NMNAT2: variants seen among roughly 807,000 people sequenced by gnomAD.
NMNAT2 encodes the protein nicotinamide nucleotide adenylyltransferase 2.
NMNAT2 carries 11 observed loss-of-function variants against 41.6 expected under a neutral mutation model. That is an observed-to-expected ratio of 0.26 (90% CI 0.17 to 0.44). The LOEUF (loss-of-function observed/expected upper bound fraction) is 0.44. Among genes scored for constraint, NMNAT2 ranks in the 20% least tolerant of loss-of-function variants. NMNAT2 has a pLI of 1.00. For missense variants in NMNAT2, 288 were observed against 407.7 expected, an observed-to-expected ratio of 0.71 and a Z score of 2.53; for synonymous variants, 148 against 151.2, an observed-to-expected ratio of 0.98 and a Z score of 0.16.
At chr1:183,319,599 CT>C (rs1290839696) in intron 1 of NMNAT2, among the ~76,000 whole-genome samples, 1 of 152,164 alleles carries the variant, frequency 6.6e-6, no homozygotes, top group Non-Finnish European at 1.5e-5. Flanking sequence ...CAGTGCCATC[CT>C]TGGTTTCTTC....
chr1:183,317,054 A>G (rs990407270), intron 1 of NMNAT2, among the ~76,000 whole-genome samples: 11 of 152,158 alleles, frequency 7.2e-5, no homozygotes, highest in South Asian at 4.1e-4. Flanking sequence ...AGAGCCCCCA[A>G]TGTCTCTCCC....
At chr1:183,366,583 T>C (rs1220063824) in intron 1 of NMNAT2, among the ~76,000 whole-genome samples, 1 of 152,196 alleles carries the variant, frequency 6.6e-6, no homozygotes, top group Non-Finnish European at 1.5e-5. Context: ...GCAGGAAATG[T>C]CTTTGAGACA....
At chr1:183,349,678 T>A (rs1663003492) in intron 1 of NMNAT2, among the ~76,000 whole-genome samples, 1 of 152,194 alleles carries the variant, frequency 6.6e-6, no homozygotes, top group Non-Finnish European at 1.5e-5. Context: ...CAGCAGTGGG[T>A]GGCCTGGGCC....
chr1:183,263,544 C>T (rs983530689), intron 8 of NMNAT2, among the ~76,000 whole-genome samples: 1 of 152,182 alleles, frequency 6.6e-6, no homozygotes, highest in Admixed American at 6.5e-5. Context: ...TCGGGCCAGG[C>T]GCAGTGGCTC....
At chr1:183,335,212 T>G (rs1017781127) in intron 1 of NMNAT2, among the ~76,000 whole-genome samples, 1 of 152,196 alleles carries the variant, frequency 6.6e-6, no homozygotes, top group African/African-American at 2.4e-5. Context: ...GTTTCCTTCT[T>G]CTTGTTAGAT....
chr1:183,284,824 T>C lies in NMNAT2; in HGVS notation c.449-34A>G, dbSNP rs603850. ...GAGAGCAAGACAGACAGGGACAGAG[T>C]GGGAGAGAACAACTCACAACTGGCA... On this transcript the variant is annotated intron_variant, in intron 5 of 10. Transcript: ENST00000287713. 1,107 of 1,580,154 alleles carry C rather than the reference T, an allele frequency of 7.0e-4. 3 individuals carry two copies. The African/African-American group carries it at 0.014, about 19-fold the overall frequency.
intron 7 of NMNAT2, chr1:183,283,595 C>A (rs962917207): frequency 9.8e-5 from 31 of 317,384 alleles, no homozygotes; most frequent in Non-Finnish European, 1.7e-4. Context: ...GGCTTTCAGT[C>A]CCCTCTCTGT....
rs780286741 is a variant in NMNAT2, at chr1:183,284,645, A to C, written c.529+65T>G. 1,182 of 1,350,146 alleles carry C rather than the reference A, an allele frequency of 8.8e-4. 1 individual carries two copies. The highest frequency in any genetic ancestry group is 1.1e-3 in the Non-Finnish European group (1,044 of 939,346). 83.6% of individuals were successfully genotyped at this position (1,350,146 alleles called of 1,614,324 possible). A position where few individuals can be genotyped will look rare whatever the true frequency, so the allele number is the denominator to read the frequency against. On this transcript the variant is annotated intron_variant, in intron 6 of 10. Transcript: ENST00000287713. ...GGAATGTGCTTGAGGATCTTTGCTG[A>C]AGGAATGAAGGGAGGAGAGAAAGAA...
At chr1:183,390,420 G>A (rs974021424) in intron 1 of NMNAT2, among the ~76,000 whole-genome samples, 1 of 152,156 alleles carries the variant, frequency 6.6e-6, no homozygotes, top group African/African-American at 2.4e-5. Context: ...GTCTTCATCA[G>A]CACTTTGTTT....
chr1:183,275,650 C>T (rs1558113431), intron 8 of NMNAT2, among the ~76,000 whole-genome samples: 1 of 141,794 alleles, frequency 7.1e-6, no homozygotes, highest in African/African-American at 2.6e-5. Context: ...GAGGGAGATC[C>T]CAGGATATGA....
chr1:183,408,636 A>G (rs1432224285), intron 1 of NMNAT2, among the ~76,000 whole-genome samples: 1 of 152,194 alleles, frequency 6.6e-6, no homozygotes, highest in East Asian at 1.9e-4. Flanking sequence ...AACAGAAAAA[A>G]TGGAGTGATA....
At chr1:183,370,746 G>A (rs1175631772) in intron 1 of NMNAT2, among the ~76,000 whole-genome samples, 1 of 152,182 alleles carries the variant, frequency 6.6e-6, no homozygotes, top group East Asian at 1.9e-4. Flanking sequence ...TCAAGTATTG[G>A]CAGGACAATT....
chr1:183,307,722 C>T (rs533408594), intron 1 of NMNAT2, among the ~76,000 whole-genome samples: 82 of 152,286 alleles, frequency 5.4e-4, no homozygotes, highest in Non-Finnish European at 9.7e-4. Flanking sequence ...AGATTACAGG[C>T]GTGAGTCATG....
chr1:183,375,684 A>G (rs1374995599), intron 1 of NMNAT2, among the ~76,000 whole-genome samples: 1 of 152,142 alleles, frequency 6.6e-6, no homozygotes, highest in Admixed American at 6.5e-5. Flanking sequence ...CAATCCCTCC[A>G]TTAGTTTCTT....
At chr1:183,271,070 G>A (rs572283848) in intron 8 of NMNAT2, among the ~76,000 whole-genome samples, 3 of 152,242 alleles carry the variant, frequency 2.0e-5, no homozygotes, top group Admixed American at 1.3e-4. Context: ...GGGCTTTGAG[G>A]AGCGCAAAAA....
rs1661502140 is a variant in NMNAT2, at chr1:183,290,143, G to A, written c.306C>T (p.His102=). Residue 102 remains histidine, a synonymous_variant, in exon 4 of 11, where the codon CAC becomes CAT. Transcript: ENST00000287713. The part of the protein sequence containing the change: ...WQTTCSVLEH[H]RDLMKRVTGC... ...CCCAGCTCACCTTCATGAGGTCCCG[G>A]TGGTGTTCCAACACGCTGCAGGTCG... is the stretch of plus-strand genomic sequence containing the variant. 2 of 1,581,968 alleles carry A rather than the reference G, an allele frequency of 1.3e-6. No homozygotes were observed. The highest frequency in any genetic ancestry group is 2.3e-5 in the South Asian group (2 of 86,352).
At chr1:183,286,008 A>G (rs1354838553) in intron 5 of NMNAT2, among the ~76,000 whole-genome samples, 6 of 152,120 alleles carry the variant, frequency 3.9e-5, no homozygotes, top group Admixed American at 6.5e-5. Context: ...ACCTCCCTAG[A>G]AGAGGCAGAG....
intron 1 of NMNAT2, among the ~76,000 whole-genome samples, chr1:183,383,780 C>T (rs1663854127): frequency 6.6e-6 from 1 of 152,208 alleles, no homozygotes; most frequent in South Asian, 2.1e-4. Flanking sequence ...ATCTCCTCAG[C>T]CTGGACTTCA....
At chr1:183,390,063 GAAGGCATTAACTACAC>G (rs1018594273) in intron 1 of NMNAT2, among the ~76,000 whole-genome samples, 1 of 152,026 alleles carries the variant, frequency 6.6e-6, no homozygotes, top group Admixed American at 6.6e-5. Context: ...CAGGGGTTTG[GAAGGCATTAACTACAC>G]AGGGCATTAA....
Sources: allele counts gnomAD v4.1 joint callset (sites outside exome capture counted in the v4.1 genomes callset), GRCh38; gene constraint gnomAD v4.1.1; transcripts MANE v1.5; gene names NCBI Gene and HGNC (gene_info 2026-07-23, HGNC 2026-07-21).